The following PAQR5 variants were observed in gnomAD, a reference collection of about 807,000 sequenced individuals.
The protein encoded by PAQR5 is progestin and adipoQ receptor family member 5.
A neutral mutation model predicts 34.5 loss-of-function variants in PAQR5; 20 were observed. The observed-to-expected ratio is 0.58, with a 90% CI of 0.41 to 0.84. PAQR5 has a LOEUF of 0.84. Among genes scored for constraint, PAQR5 ranks in the 40% least tolerant of loss-of-function variants. PAQR5 has a pLI of 0.00. For synonymous variants in PAQR5, 131 were observed against 155.6 expected (o/e 0.84, Z 1.18); for missense variants, 378 against 412.7 (o/e 0.92, Z 0.73).
At chr15:69,379,735 G>T in intron 3 of PAQR5, 148 bp from the exon 4 acceptor site, 1 of 1,226,972 alleles carries the variant, frequency 8.2e-7, no homozygotes, top group Non-Finnish European at 1.1e-6. Flanking sequence ...TGCGAGGGAA[G>T]GAGAGAGTGA....
intron 1 of PAQR5, among the ~76,000 whole-genome samples, chr15:69,317,314 C>T (rs1275461885): frequency 6.6e-6 from 1 of 152,172 alleles, no homozygotes; most frequent in South Asian, 2.1e-4. Flanking sequence ...GGCATCCACC[C>T]AGGCTCCCTC....
intron 5 of PAQR5, among the ~76,000 whole-genome samples, chr15:69,389,453 A>G (rs1340035507): frequency 6.6e-6 from 1 of 152,244 alleles, no homozygotes; most frequent in East Asian, 1.9e-4. Flanking sequence ...CTGGGCTCAC[A>G]GTAAATTCTC....
intron 2 of PAQR5, among the ~76,000 whole-genome samples, chr15:69,351,837 A>G (rs1340563487): frequency 1.3e-5 from 2 of 152,166 alleles, no homozygotes; most frequent in Admixed American, 6.5e-5. Context: ...TATCCCTTCT[A>G]TAAGATGAGG....
chr15:69,320,327 G>A (rs767857891), intron 1 of PAQR5, among the ~76,000 whole-genome samples: 16 of 152,246 alleles, frequency 1.1e-4, no homozygotes, highest in African/African-American at 3.6e-4. Context: ...AGTCACTGAC[G>A]TGGGTCCCCT....
intron 1 of PAQR5, among the ~76,000 whole-genome samples, chr15:69,319,793 G>T (rs866709290): frequency 6.6e-6 from 1 of 152,198 alleles, no homozygotes; most frequent in Admixed American, 6.5e-5. Flanking sequence ...AATGAAGCCT[G>T]TCTCCTGGAA....
rs377455401 is a variant in PAQR5, at chr15:69,380,175, A to G, written c.179+165A>G. On this transcript the variant is annotated intron_variant, in intron 4 of 8. Coordinates refer to ENST00000395407, the MANE Select transcript of PAQR5 (RefSeq NM_017705.4). Reference sequence around the variant, plus strand: ...GGAGTGTGTGACAGAGGGAAGAGACATTGGGTGTGCCACTGGGATGACCTT... The same window carrying G: ...GGAGTGTGTGACAGAGGGAAGAGACGTTGGGTGTGCCACTGGGATGACCTT... The G allele has an allele frequency of 5.6e-6, 4 of 714,604 alleles. No individual in the cohort carries two copies. In the East Asian group the frequency reaches 1.0e-4, roughly 18 times the overall value. The allele number at this position is 714,604 out of a possible 1,614,324, so 44.3% of individuals were successfully genotyped here. A position where few individuals can be genotyped will look rare whatever the true frequency, so the allele number is the denominator to read the frequency against.
At chr15:69,377,638 C>T (rs1422271538) in intron 3 of PAQR5, among the ~76,000 whole-genome samples, 1 of 152,142 alleles carries the variant, frequency 6.6e-6, no homozygotes, top group South Asian at 2.1e-4. Context: ...AGGGAATGTG[C>T]TGACCATTCA....
At chr15:69,307,888 T>C (rs1207389488) in intron 1 of PAQR5, among the ~76,000 whole-genome samples, 1 of 152,136 alleles carries the variant, frequency 6.6e-6, no homozygotes, top group African/African-American at 2.4e-5. Flanking sequence ...TTGATGGTGG[T>C]GCAGGCACCT....
At chr15:69,306,885 G>A (rs1049088906) in intron 1 of PAQR5, among the ~76,000 whole-genome samples, 12 of 151,672 alleles carry the variant, frequency 7.9e-5, no homozygotes, top group Admixed American at 1.3e-4. Context: ...CATCCTTTCC[G>A]TCTTTTTATG....
At chr15:69,397,220 G>C (rs1223786629) in intron 6 of PAQR5, 1 of 640,264 alleles carries the variant, frequency 1.6e-6, no homozygotes. Context: ...GGCTTAGTCT[G>C]GACACCACTG....
Position 69,397,534 on chromosome 15 carries a change from C to T in PAQR5, c.579C>T (p.Tyr193=), listed in dbSNP as rs2056480658. The T allele has an allele frequency of 2.5e-6, 4 of 1,612,634 alleles. No individual in the cohort carries two copies. In the African/African-American group the frequency reaches 4.0e-5, roughly 16 times the overall value. The change falls in exon 7 of 9, where the codon TAC becomes TAT. Residue 193 remains tyrosine, a synonymous_variant. Coordinates refer to ENST00000395407, the MANE Select transcript of PAQR5 (RefSeq NM_017705.4). ...VIRVLAFAYP[Y]TWDSLPIFYR... ...GTGTCCTCGCCTTTGCTTATCCGTA[C>T]ACCTGGGACTCCCTCCCCATCTTCT...
chr15:69,393,436 CCTCAGGGCAGTCACTGTCCACTCTG>C, intron 6 of PAQR5, among the ~76,000 whole-genome samples: 1 of 6,524 alleles, frequency 1.5e-4, no homozygotes, highest in East Asian at 2.2e-3. Context: ...TGCTGTATGG[CCTCAGGGCAGTCACTGTCCACTCTG>C]GGCCTCAGGG....
chr15:69,348,659 A>G (rs1438272128), intron 2 of PAQR5, among the ~76,000 whole-genome samples: 1 of 152,190 alleles, frequency 6.6e-6, no homozygotes, highest in Non-Finnish European at 1.5e-5. Flanking sequence ...CCTGAACTGC[A>G]TATAGTACTA....
intron 1 of PAQR5, among the ~76,000 whole-genome samples, chr15:69,300,532 C>A (rs1470165883): frequency 6.6e-6 from 1 of 152,070 alleles, no homozygotes; most frequent in African/African-American, 2.4e-5. Flanking sequence ...CCCCTTACAC[C>A]AAGAGTACAT....
At chr15:69,359,232 C>T (rs2055165358) in intron 2 of PAQR5, among the ~76,000 whole-genome samples, 1 of 152,158 alleles carries the variant, frequency 6.6e-6, no homozygotes, top group Non-Finnish European at 1.5e-5. Context: ...TCCTTGTCAC[C>T]ACATTGGAGA....
At chr15:69,398,083 T>C (rs2056504026) in intron 7 of PAQR5, among the ~76,000 whole-genome samples, 1 of 152,160 alleles carries the variant, frequency 6.6e-6, no homozygotes, top group Non-Finnish European at 1.5e-5. Context: ...ATCTGTAAGC[T>C]GGGCCTGATA....
At chr15:69,380,181 T>A in intron 4 of PAQR5, 171 bp downstream of exon 4, 1 of 692,914 alleles carries the variant, frequency 1.4e-6, no homozygotes, top group Non-Finnish European at 2.5e-6. Flanking sequence ...AGACATTGGG[T>A]GTGCCACTGG....
chr15:69,373,491 G>A (rs1389956143), intron 3 of PAQR5, among the ~76,000 whole-genome samples: 3 of 152,090 alleles, frequency 2.0e-5, no homozygotes, highest in Non-Finnish European at 2.9e-5. Flanking sequence ...TAAAACCAGC[G>A]GAATTGCTCT....
intron 1 of PAQR5, among the ~76,000 whole-genome samples, chr15:69,332,217 T>A (rs552665009): frequency 2.3e-3 from 345 of 152,324 alleles, no homozygotes; most frequent in African/African-American, 7.4e-3. Flanking sequence ...TTTTCTTTGT[T>A]CTGTAATGGA....
Sources: gnomAD v4.1 joint callset for allele counts (sites outside exome capture counted in the v4.1 genomes callset) on GRCh38, gnomAD v4.1.1 for gene constraint, MANE v1.5 for transcripts, NCBI Gene and HGNC (gene_info 2026-07-23, HGNC 2026-07-21) for gene names.